The following FLT3 variants were observed in gnomAD, a reference collection of about 807,000 sequenced individuals.
The protein encoded by FLT3 is fms related receptor tyrosine kinase 3, also known as receptor-type tyrosine-protein kinase FLT3.
FLT3 carries 46 observed loss-of-function variants against 126.6 expected under a neutral mutation model. The observed-to-expected ratio is 0.36, with a 90% CI of 0.29 to 0.46. The LOEUF (loss-of-function observed/expected upper bound fraction) is 0.46. Among genes scored for constraint, FLT3 ranks in the 20% least tolerant of loss-of-function variants. The pLI, the probability that FLT3 is intolerant of heterozygous loss-of-function variation, is 1.00. For synonymous variants in FLT3, 404 were observed against 434.4 expected (o/e 0.93, Z 0.87); for missense variants, 1,069 against 1,190.3 (o/e 0.90, Z 1.50).
At chr13:28,026,835 T>C (rs1040565702) in intron 17 of FLT3, among the ~76,000 whole-genome samples, 6 of 152,118 alleles carry the variant, frequency 3.9e-5, no homozygotes, top group South Asian at 4.1e-4. Context: ...CCAAACCAAA[T>C]AGGCGTCTAT....
At chr13:28,027,007 G>T in intron 17 of FLT3, 81 bp downstream of exon 17, 1 of 1,231,384 alleles carries the variant, frequency 8.1e-7, no homozygotes, top group Non-Finnish European at 1.2e-6. Flanking sequence ...TTTAGAAACT[G>T]GTCAACGAAG....
intron 4 of FLT3, 21 bp downstream of exon 4, chr13:28,057,326 C>T: frequency 2.0e-6 from 2 of 1,009,020 alleles, no homozygotes; most frequent in Non-Finnish European, 3.2e-6. Context: ...GGCTGGAATA[C>T]TAGTAGCAGG....
chr13:28,016,899 T>C (rs1009429333), intron 20 of FLT3, among the ~76,000 whole-genome samples: 1 of 152,184 alleles, frequency 6.6e-6, no homozygotes, highest in Non-Finnish European at 1.5e-5. Context: ...ACTTTTCACA[T>C]TTACTGGATG....
In FLT3 at chr13:28,048,450, G is replaced by T. The variant is rs753586227; in HGVS notation, c.1037-7C>A. The T allele has an allele frequency of 1.3e-6, 2 of 1,548,450 alleles. No homozygotes were observed. Among genetic ancestry groups the T allele is most frequent in the Non-Finnish European group, 1.8e-6 (2 of 1,126,418 alleles). On this transcript the variant is annotated splice_polypyrimidine_tract_variant and splice_region_variant and intron_variant, in intron 8 of 23. Coordinates refer to ENST00000241453, the MANE Select transcript of FLT3 (RefSeq NM_004119.3). ...GCATTTATAAATCCCTTTTCTGTAA[G>T]AAAAAATAGGCATTTATGAGTTAGT...
chr13:28,014,513 C>A lies in FLT3; in HGVS notation c.2798G>T (p.Arg933Leu). ...CGAAGTCAAATTAGGGAAGGATGGC[C>A]GTTTCCTTGAGTCAAAAGCCCAGCA... Reference protein sequence around the residue: ...QSCWAFDSRKRPSFPNLTSFL... With the variant: ...QSCWAFDSRKLPSFPNLTSFL... The change falls in exon 23 of 24, where the codon CGG (arginine) becomes CTG (leucine). Residue 933 changes from arginine to leucine, a missense_variant. Arg to Leu is a moderately radical substitution (Grantham distance 102). Coordinates refer to ENST00000241453, the MANE Select transcript of FLT3 (RefSeq NM_004119.3). 1 of 1,613,976 alleles carries A rather than the reference C, an allele frequency of 6.2e-7. No individual in the cohort carries two copies. The highest frequency in any genetic ancestry group is 8.5e-7 in the Non-Finnish European group (1 of 1,179,904).
chr13:28,062,480 C>T (rs1459169761), intron 2 of FLT3, among the ~76,000 whole-genome samples: 3 of 152,070 alleles, frequency 2.0e-5, no homozygotes, highest in African/African-American at 7.2e-5. Flanking sequence ...CGGTGGCTCA[C>T]ACCTGCAATC....
rs764257600 is a variant in FLT3, at chr13:28,014,448, A to G, written c.2859+4T>C. ...AGCTTTATAAAGTCCTGGCTGCTACATACCGCTTCTTCTGCATCTGCCAGC... is the reference window on the plus strand; with the variant it reads ...AGCTTTATAAAGTCCTGGCTGCTACGTACCGCTTCTTCTGCATCTGCCAGC... On this transcript the variant is annotated splice_donor_region_variant and intron_variant, in intron 23 of 23. Transcript: ENST00000241453. 1.2e-6 allele frequency: 2 copies of G among 1,601,030 alleles called. No homozygotes were observed. The highest frequency in any genetic ancestry group is 1.1e-5 in the South Asian group (1 of 90,796).
intron 2 of FLT3, among the ~76,000 whole-genome samples, chr13:28,066,309 G>A (rs554133440): frequency 6.6e-6 from 1 of 152,210 alleles, no homozygotes; most frequent in Non-Finnish European, 1.5e-5. Context: ...CTGCCGAGAG[G>A]GCCTAGAAGC....
chr13:28,077,839 G>A (rs895425359), intron 1 of FLT3, among the ~76,000 whole-genome samples: 2 of 152,184 alleles, frequency 1.3e-5, no homozygotes, highest in African/African-American at 4.8e-5. Flanking sequence ...TACAGGCATT[G>A]GGTAAATACA....
chr13:28,006,708 C>A (rs1037745682), intron 23 of FLT3, among the ~76,000 whole-genome samples: 1 of 146,722 alleles, frequency 6.8e-6, no homozygotes, highest in Non-Finnish European at 1.5e-5. Context: ...TTTTCCATTT[C>A]TTTAAGTGAC....
At chr13:28,071,343 A>G (rs1877504083) in intron 1 of FLT3, among the ~76,000 whole-genome samples, 2 of 151,846 alleles carry the variant, frequency 1.3e-5, no homozygotes, top group African/African-American at 4.8e-5. Flanking sequence ...GGGTGCTTAT[A>G]GAATCTTTTC....
At chr13:28,030,631 A>G (rs772639461) in intron 15 of FLT3, among the ~76,000 whole-genome samples, 1 of 152,190 alleles carries the variant, frequency 6.6e-6, no homozygotes, top group Non-Finnish European at 1.5e-5. Flanking sequence ...GGAGGCTGAG[A>G]CAAGCGGGAG....
At chr13:28,019,801 A>C (rs1872215785) in intron 19 of FLT3, among the ~76,000 whole-genome samples, 1 of 151,892 alleles carries the variant, frequency 6.6e-6, no homozygotes, top group African/African-American at 2.4e-5. Flanking sequence ...CCCTCTGGGA[A>C]CCCTGCGCAT....
At chr13:28,014,430 T>A (rs760081935) in intron 23 of FLT3, 22 bp downstream of exon 23, 1 of 1,521,852 alleles carries the variant, frequency 6.6e-7, no homozygotes, top group Non-Finnish European at 9.1e-7. Context: ...TAAAGCTTTA[T>A]AAAGTCCTGG....
At chr13:28,030,163 C>A (rs1278342597) in intron 15 of FLT3, among the ~76,000 whole-genome samples, 1 of 152,134 alleles carries the variant, frequency 6.6e-6, no homozygotes, top group Non-Finnish European at 1.5e-5. Flanking sequence ...GTGCTGACAT[C>A]CTCTATTTTG....
At chr13:28,047,291 T>C (rs1353896280) in intron 9 of FLT3, among the ~76,000 whole-genome samples, 1 of 152,192 alleles carries the variant, frequency 6.6e-6, no homozygotes. Flanking sequence ...CAGTGTCTCA[T>C]AGCCTAGTCC....
chr13:28,028,118 T>G, intron 16 of FLT3, 60 bp downstream of exon 16: 1 of 818,270 alleles, frequency 1.2e-6, no homozygotes, highest in Non-Finnish European at 2.2e-6. Flanking sequence ...AGAGCAAACA[T>G]CCTCTTTGTC....
chr13:28,018,390 T>C (rs779706198), intron 20 of FLT3, 77 bp downstream of exon 20: 68 of 1,509,356 alleles, frequency 4.5e-5, no homozygotes, highest in South Asian at 5.8e-5. Context: ...TGCACCACAG[T>C]GAGTGCAGTT....
At chr13:28,012,074 G>A (rs1221719683) in intron 23 of FLT3, among the ~76,000 whole-genome samples, 2 of 152,090 alleles carry the variant, frequency 1.3e-5, no homozygotes, top group Non-Finnish European at 2.9e-5. Flanking sequence ...GATTACATGT[G>A]TGACCCACTG....
Sources: allele counts gnomAD v4.1 joint callset (sites outside exome capture counted in the v4.1 genomes callset), GRCh38; gene constraint gnomAD v4.1.1; transcripts MANE v1.5; gene names NCBI Gene and HGNC (gene_info 2026-07-23, HGNC 2026-07-21).